The following AEBP2 variants were observed in gnomAD, a reference collection of about 807,000 sequenced individuals.
AEBP2 encodes the protein zinc finger protein AEBP2.
A neutral mutation model predicts 50.8 loss-of-function variants in AEBP2; 10 were observed. That is an observed-to-expected ratio of 0.20 (90% CI 0.12 to 0.33). The LOEUF is 0.33. AEBP2 is among the 10% of genes least tolerant of loss of function. The pLI, the probability that AEBP2 is intolerant of heterozygous loss-of-function variation, is 1.00. For missense variants in AEBP2, 570 were observed against 688.0 expected (o/e 0.83, Z 1.92); for synonymous variants, 296 against 261.3 (o/e 1.13, Z -1.28).
intron 1 of AEBP2, among the ~76,000 whole-genome samples, chr12:19,420,328 AT>A (rs780103252): frequency 7.8e-4 from 60 of 76,574 alleles, no homozygotes; most frequent in African/African-American, 2.0e-3. Flanking sequence ...TGTGCTGACC[AT>A]TTTTTTTTTT....
At chr12:19,508,388 C>T (rs1183036507) in intron 5 of AEBP2, among the ~76,000 whole-genome samples, 1 of 152,040 alleles carries the variant, frequency 6.6e-6, no homozygotes, top group Non-Finnish European at 1.5e-5. Flanking sequence ...ATAGTGGAGA[C>T]AGTGTTTTGT....
chr12:19,445,753 A>T (rs1246644698), intron 1 of AEBP2, among the ~76,000 whole-genome samples: 1 of 152,218 alleles, frequency 6.6e-6, no homozygotes, highest in African/African-American at 2.4e-5. Flanking sequence ...ATGGTAGACT[A>T]AAATATTTGA....
chr12:19,501,292 C>G lies in AEBP2; in HGVS notation c.1299+1071C>G, dbSNP rs934635158. On this transcript the variant is annotated intron_variant, in intron 5 of 7. Coordinates refer to ENST00000266508, the MANE Select transcript of AEBP2 (RefSeq NM_153207.5). ...GCTGCTGTGAGCCGAGATCGCACCA[C>G]TGCACTCCGACCTAGGCAGCAAGAG... 8.7e-5 allele frequency among the ~76,000 whole-genome samples: 13 copies of G among 149,904 alleles called. 1 individual carries two copies. Among genetic ancestry groups the G allele is most frequent in the Admixed American group, 8.0e-4 (12 of 14,956 alleles).
chr12:19,476,460 G>C (rs1370738001), intron 3 of AEBP2, among the ~76,000 whole-genome samples: 1 of 152,134 alleles, frequency 6.6e-6, no homozygotes, highest in Non-Finnish European at 1.5e-5. Context: ...TCCCGCCTCA[G>C]ACTCCCGAGT....
intron 1 of AEBP2, among the ~76,000 whole-genome samples, chr12:19,460,343 C>A (rs1030188610): frequency 6.6e-6 from 1 of 151,948 alleles, no homozygotes; most frequent in Non-Finnish European, 1.5e-5. Flanking sequence ...TATAGGTGAA[C>A]GTTCTTTTTG....
At chr12:19,476,737 A>G (rs1407174065) in intron 3 of AEBP2, among the ~76,000 whole-genome samples, 1 of 152,230 alleles carries the variant, frequency 6.6e-6, no homozygotes, top group East Asian at 1.9e-4. Context: ...ATAAAAAGTC[A>G]GATAATGTGA....
chr12:19,493,699 C>A, intron 3 of AEBP2, 101 bp from the exon 4 acceptor site: 2 of 1,111,816 alleles, frequency 1.8e-6, no homozygotes, highest in Non-Finnish European at 2.5e-6. Context: ...TTCTATTGTA[C>A]TACTTATTTA....
chr12:19,484,277 G>C (rs531532265), intron 3 of AEBP2, among the ~76,000 whole-genome samples: 2 of 68,144 alleles, frequency 2.9e-5, no homozygotes, highest in Non-Finnish European at 5.7e-5. Flanking sequence ...TTTTTTTTTG[G>C]TATTTTTAGT....
Position 19,502,388 on chromosome 12 carries a change from C to T in AEBP2, c.1299+2167C>T, listed in dbSNP as rs1201911807. 2.0e-5 allele frequency among the ~76,000 whole-genome samples: 3 copies of T among 152,256 alleles called. No individual in the cohort carries two copies. The East Asian group carries it at 5.8e-4, about 30-fold the overall frequency. ...ACCTCAAGTGATCTGCCTGCCTTGG[C>T]CTCCCAAAGTGCTGGGATTACAGGC... On this transcript the variant is annotated intron_variant, in intron 5 of 7. Coordinates refer to ENST00000266508, the MANE Select transcript of AEBP2 (RefSeq NM_153207.5).
chr12:19,501,415 G>C (rs1949072950), intron 5 of AEBP2, among the ~76,000 whole-genome samples: 1 of 151,852 alleles, frequency 6.6e-6, no homozygotes, highest in Non-Finnish European at 1.5e-5. Context: ...CAGGCAGATT[G>C]CTTGAACCTA....
chr12:19,412,951 C>T (rs539701467), intron 1 of AEBP2, among the ~76,000 whole-genome samples: 8 of 152,184 alleles, frequency 5.3e-5, no homozygotes, highest in Admixed American at 1.3e-4. Context: ...TTCCCCGTCA[C>T]GAGGGGCCCA....
chr12:19,473,759 TAAAA>T (rs759766306), intron 3 of AEBP2, among the ~76,000 whole-genome samples: 3,232 of 152,272 alleles, frequency 0.021, 41 homozygotes, highest in East Asian at 0.042. Context: ...TAGGCATAAT[TAAAA>T]GCTCCTCTAA....
chr12:19,510,119 T>C (rs1949213035), intron 5 of AEBP2, among the ~76,000 whole-genome samples: 1 of 152,158 alleles, frequency 6.6e-6, no homozygotes, highest in Non-Finnish European at 1.5e-5. Context: ...GTAAACCCAA[T>C]GTTAAATGAC....
At chr12:19,419,527 T>G (rs971924176) in intron 1 of AEBP2, among the ~76,000 whole-genome samples, 3 of 151,816 alleles carry the variant, frequency 2.0e-5, no homozygotes, top group Non-Finnish European at 4.4e-5. Flanking sequence ...AGGCAGAGGT[T>G]GCAGTGAGCT....
chr12:19,429,225 G>A (rs1156234443), intron 1 of AEBP2, among the ~76,000 whole-genome samples: 2 of 152,140 alleles, frequency 1.3e-5, no homozygotes, highest in Non-Finnish European at 2.9e-5. Flanking sequence ...AGAACATGCG[G>A]TGTTTGGTTT....
chr12:19,463,755 C>T (rs1948421702), intron 2 of AEBP2, among the ~76,000 whole-genome samples: 1 of 146,852 alleles, frequency 6.8e-6, no homozygotes, highest in Non-Finnish European at 1.5e-5. Context: ...CTCACCGCAG[C>T]CTCTGCCCCA....
At chr12:19,445,400 G>C (rs1948042922) in intron 1 of AEBP2, among the ~76,000 whole-genome samples, 1 of 147,218 alleles carries the variant, frequency 6.8e-6, no homozygotes, top group Non-Finnish European at 1.5e-5. Context: ...ATTTTTAGTA[G>C]AGAGGGTTGC....
chr12:19,509,788 T>C (rs1426626918), intron 5 of AEBP2, among the ~76,000 whole-genome samples: 1 of 151,670 alleles, frequency 6.6e-6, no homozygotes, highest in Non-Finnish European at 1.5e-5. Flanking sequence ...AAAAACCTTT[T>C]ACTTCGATAA....
intron 1 of AEBP2, among the ~76,000 whole-genome samples, chr12:19,426,755 T>C (rs2095748745): frequency 1.3e-5 from 2 of 151,792 alleles, no homozygotes; most frequent in South Asian, 4.2e-4. Context: ...AATACAAAAA[T>C]TAGCCGGCTG....
Sources: gnomAD v4.1 joint callset for allele counts (sites outside exome capture counted in the v4.1 genomes callset) on GRCh38, gnomAD v4.1.1 for gene constraint, MANE v1.5 for transcripts, NCBI Gene and HGNC (gene_info 2026-07-23, HGNC 2026-07-21) for gene names.